TNR: variants seen among roughly 807,000 people sequenced by gnomAD.
The protein encoded by TNR is tenascin-R.
TNR carries 45 observed loss-of-function variants against 150.4 expected under a neutral mutation model. The ratio of observed to expected loss-of-function variants is 0.30; its 90% confidence interval spans 0.24 to 0.38. The LOEUF is 0.38. Ranked by LOEUF, TNR falls within the 10% of genes least tolerant of loss-of-function variation. The probability of loss-of-function intolerance (pLI) is 1.00; values close to 1 mark genes in which losing one functional copy is unlikely to be tolerated. For missense variants in TNR, 1,544 were observed against 1,759.1 expected, an observed-to-expected ratio of 0.88 and a Z score of 2.19; for synonymous variants, 687 against 678.4, an observed-to-expected ratio of 1.01 and a Z score of -0.20.
At chr1:175,686,722 A>G (rs941141327) in intron 1 of TNR, among the ~76,000 whole-genome samples, 6 of 152,120 alleles carry the variant, frequency 3.9e-5, no homozygotes, top group African/African-American at 1.4e-4. Context: ...GTTCCCGCTT[A>G]TAAGTGAGAA....
At chr1:175,615,974 T>G (rs901411347) in intron 1 of TNR, among the ~76,000 whole-genome samples, 1 of 152,220 alleles carries the variant, frequency 6.6e-6, no homozygotes. Flanking sequence ...TAGGTAGATA[T>G]TAAATGTGTT....
chr1:175,662,874 G>A (rs1405059821), intron 1 of TNR, among the ~76,000 whole-genome samples: 1 of 152,158 alleles, frequency 6.6e-6, no homozygotes, highest in African/African-American at 2.4e-5. Context: ...AACACTTATA[G>A]TGCCTCAAGT....
intron 19 of TNR, 21 bp downstream of exon 19, chr1:175,337,507 G>C (rs543304615): frequency 6.2e-7 from 1 of 1,612,162 alleles, no homozygotes; most frequent in East Asian, 2.2e-5. Flanking sequence ...TCTGTGCAAG[G>C]AGAGCACAGA....
intron 2 of TNR, among the ~76,000 whole-genome samples, chr1:175,443,768 GAAGA>G (rs1209866270): frequency 6.6e-6 from 1 of 152,098 alleles, no homozygotes; most frequent in East Asian, 1.9e-4. Flanking sequence ...AGGAAGGAAG[GAAGA>G]AAGAAAAGGC....
rs564074901 is a variant in TNR at position 175,561,860 on chromosome 1, G to A, written c.-164-33491C>T. 2.0e-4 allele frequency among the ~76,000 whole-genome samples: 31 copies of A among 152,278 alleles called. No homozygotes were observed. The South Asian group carries it at 4.4e-3, about 21-fold the overall frequency. ...CTTATTCTGGAGACCTGTGAGGCCC[G>A]TGAGACCTGGGCCCCTGAGTCTGTT... On this transcript the variant is annotated intron_variant, in intron 1 of 22. Coordinates refer to ENST00000367674, the MANE Select transcript of TNR (RefSeq NM_003285.3).
chr1:175,374,146 T>C (rs750822001), intron 9 of TNR, among the ~76,000 whole-genome samples: 1 of 152,130 alleles, frequency 6.6e-6, no homozygotes, highest in African/African-American at 2.4e-5. Context: ...AGTGCAGACA[T>C]AGCGAGGTGG....
rs187864861 is a variant in TNR at position 175,404,997 on chromosome 1, C to A, written c.499+1219G>T. Among the ~76,000 whole-genome samples, 725 of 152,290 alleles carry A rather than the reference C, an allele frequency of 4.8e-3. 5 individuals carry two copies. Among genetic ancestry groups the A allele is most frequent in the Non-Finnish European group, 8.1e-3 (553 of 68,020 alleles). ...TGTCTCAGGGTGAATGTGTCAGGTACCCCTCTACATCTGCGGGCCATCCAG... is the reference window on the plus strand; with the variant it reads ...TGTCTCAGGGTGAATGTGTCAGGTAACCCTCTACATCTGCGGGCCATCCAG... On this transcript the variant is annotated intron_variant, in intron 3 of 22. Transcript: ENST00000367674.
At chr1:175,482,379 T>C (rs1657848960) in intron 2 of TNR, among the ~76,000 whole-genome samples, 4 of 152,242 alleles carry the variant, frequency 2.6e-5, no homozygotes, top group Admixed American at 2.6e-4. Flanking sequence ...CTTTTCTTGC[T>C]GAACATAATG....
At chr1:175,542,238 C>G (rs1461152189) in intron 1 of TNR, among the ~76,000 whole-genome samples, 1 of 152,142 alleles carries the variant, frequency 6.6e-6, no homozygotes, top group Non-Finnish European at 1.5e-5. Context: ...TCAGCTCTGT[C>G]TCTCCTCAAA....
At chr1:175,354,209 G>C (rs1403924415) in intron 18 of TNR, among the ~76,000 whole-genome samples, 182 bp downstream of exon 18, 1 of 152,210 alleles carries the variant, frequency 6.6e-6, no homozygotes, top group African/African-American at 2.4e-5. Context: ...TGTACTGCTG[G>C]TTCCTGCGGT....
chr1:175,406,318 C>G lies in TNR; in HGVS notation c.397G>C (p.Val133Leu). Residue 133 changes from valine to leucine, a missense_variant, in exon 3 of 23, where the codon GTG (valine) becomes CTG (leucine). By Grantham distance (32) the Val-to-Leu change is conservative. This residue lies in a region of TNR where 1,254 missense variants were observed against 1,329.4 expected (regional missense o/e 0.94). Coordinates refer to ENST00000367674, the MANE Select transcript of TNR (RefSeq NM_003285.3). ...KACPCASSAQ[V>L]LQELLSRIEM... ...ATCCGGCTCAGCAGCTCCTGCAGCA[C>G]CTGGGCTGAACTGGCACATGGACAG... is the stretch of plus-strand genomic sequence containing the variant. The G allele has an allele frequency of 3.1e-6, 5 of 1,614,132 alleles. No individual in the cohort carries two copies. Among genetic ancestry groups the G allele is most frequent in the Non-Finnish European group, 4.2e-6 (5 of 1,180,016 alleles).
chr1:175,614,076 T>C (rs1333021403), intron 1 of TNR, among the ~76,000 whole-genome samples: 1 of 152,252 alleles, frequency 6.6e-6, no homozygotes, highest in Non-Finnish European at 1.5e-5. Flanking sequence ...GTTACTGTTA[T>C]TATTAGAGAT....
At chr1:175,565,901 G>A (rs896215359) in intron 1 of TNR, among the ~76,000 whole-genome samples, 8 of 152,156 alleles carry the variant, frequency 5.3e-5, no homozygotes, top group Admixed American at 1.3e-4. Flanking sequence ...TGAAAGGCAG[G>A]AAGGATGTGA....
chr1:175,480,472 AAAG>A (rs1657753702), intron 2 of TNR, among the ~76,000 whole-genome samples: 1 of 146,194 alleles, frequency 6.8e-6, no homozygotes, highest in East Asian at 1.9e-4. Flanking sequence ...GAAAAAAAGA[AAAG>A]AAAAGAAAAA....
intron 1 of TNR, among the ~76,000 whole-genome samples, chr1:175,741,255 A>G (rs1330971845): frequency 6.6e-6 from 1 of 152,204 alleles, no homozygotes; most frequent in East Asian, 1.9e-4. Flanking sequence ...TGCTTTCGCT[A>G]TCCTCTGGCT....
chr1:175,636,585 A>G (rs541441972), intron 1 of TNR, among the ~76,000 whole-genome samples: 7 of 152,300 alleles, frequency 4.6e-5, no homozygotes, highest in Non-Finnish European at 7.4e-5. Context: ...AAGGGCTATG[A>G]CCAGTCACCC....
intron 2 of TNR, among the ~76,000 whole-genome samples, chr1:175,455,070 C>T (rs1240770072): frequency 1.3e-5 from 2 of 152,196 alleles, no homozygotes; most frequent in African/African-American, 4.8e-5. Context: ...CATAAGCCAC[C>T]ATGCTGGAGA....
At chr1:175,517,922 T>C (rs560034016) in intron 2 of TNR, among the ~76,000 whole-genome samples, 1 of 152,188 alleles carries the variant, frequency 6.6e-6, no homozygotes, top group Non-Finnish European at 1.5e-5. Flanking sequence ...GAGATCCTAG[T>C]GCATACCCAT....
At chr1:175,471,133 CAGA>C (rs1343114783) in intron 2 of TNR, among the ~76,000 whole-genome samples, 1 of 152,184 alleles carries the variant, frequency 6.6e-6, no homozygotes, top group Non-Finnish European at 1.5e-5. Flanking sequence ...ATTAGTAAAA[CAGA>C]AGAACTGTCT....
Sources: gnomAD v4.1 joint callset for allele counts (sites outside exome capture counted in the v4.1 genomes callset) on GRCh38, gnomAD v4.1.1 for gene constraint, gnomAD v4.1.1 regional missense constraint, MANE v1.5 for transcripts, NCBI Gene and HGNC (gene_info 2026-07-23, HGNC 2026-07-21) for gene names.